The following ANK3 variants were observed in gnomAD, a reference collection of about 807,000 sequenced individuals.
The protein encoded by ANK3 is ankyrin 3, also known as ankyrin-3.
In ANK3, 57 loss-of-function variants were observed where a neutral mutation model predicts 370.9. The ratio of observed to expected loss-of-function variants is 0.15; its 90% CI spans 0.12 to 0.19. The LOEUF (loss-of-function observed/expected upper bound fraction) is 0.19, where lower values mean the gene tolerates loss of function less well. ANK3 is among the 10% of genes least tolerant of loss of function. The pLI is 1.00. For synonymous variants in ANK3, 1,929 were observed against 1,946.3 expected, an observed-to-expected ratio of 0.99 and a Z score of 0.23; for missense variants, 4,439 against 5,302.1, an observed-to-expected ratio of 0.84 and a Z score of 5.06.
intron 7 of ANK3, among the ~76,000 whole-genome samples, chr10:60,250,388 G>T (rs1389580383): frequency 2.6e-5 from 4 of 152,062 alleles, no homozygotes; most frequent in Non-Finnish European, 5.9e-5. Flanking sequence ...TTTTTGAGAT[G>T]GAGTCTCGCT....
chr10:60,612,411 T>C (rs894866962), intron 2 of ANK3, among the ~76,000 whole-genome samples: 16 of 152,208 alleles, frequency 1.1e-4, no homozygotes, highest in Admixed American at 2.6e-4. Flanking sequence ...AAGATACTTT[T>C]AAGTTGGGGA....
At chr10:60,520,939 GTT>G (rs5785451) in intron 2 of ANK3, among the ~76,000 whole-genome samples, 2 of 150,020 alleles carry the variant, frequency 1.3e-5, no homozygotes, top group East Asian at 2.0e-4. Flanking sequence ...TTTTGTCTTA[GTT>G]TTTTTTTTAA....
rs1555324742 is a variant in ANK3 at position 60,348,369 on chromosome 10, A to AACACACAC, written c.114+41055_114+41056insGTGTGTGT. Among the ~76,000 whole-genome samples the AACACACAC allele has an allele frequency of 3.6e-3, 456 of 127,882 alleles. 38 individuals carry two copies. The highest frequency in any genetic ancestry group is 5.5e-3 in the East Asian group (23 of 4,152). The allele number at this position is 127,882 out of a possible 152,430, so 83.9% of individuals were successfully genotyped here. ...AGCCAAAAAAAAAAAAAAAAAAAAAAACACAAAAAACAAAAAAAACGAACT... is the reference window on the plus strand; with the variant it reads ...AGCCAAAAAAAAAAAAAAAAAAAAAAACACACACACACAAAAAACAAAAAAAACGAACT... On this transcript the variant is annotated intron_variant, in intron 1 of 43. Transcript: ENST00000280772.
intron 1 of ANK3, among the ~76,000 whole-genome samples, chr10:60,729,702 T>C (rs1370572258): frequency 6.6e-6 from 1 of 152,210 alleles, no homozygotes; most frequent in Non-Finnish European, 1.5e-5. Context: ...GTTATTAATA[T>C]ACATCAAATA....
chr10:60,224,357 A>G (rs1258276217), intron 8 of ANK3, among the ~76,000 whole-genome samples: 1 of 152,168 alleles, frequency 6.6e-6, no homozygotes, highest in East Asian at 1.9e-4. Context: ...AGTGACAGTA[A>G]TCTTATTAGT....
At chr10:60,468,454 C>G (rs2065060490) in intron 2 of ANK3, among the ~76,000 whole-genome samples, 1 of 152,034 alleles carries the variant, frequency 6.6e-6, no homozygotes, top group Non-Finnish European at 1.5e-5. Context: ...TTAGGCTGTA[C>G]TCATATTTAA....
intron 1 of ANK3, among the ~76,000 whole-genome samples, chr10:60,649,388 T>C (rs1445008916): frequency 1.3e-5 from 2 of 152,224 alleles, no homozygotes; most frequent in African/African-American, 4.8e-5. Context: ...TCATTTAAGC[T>C]ATAAAAGCAC....
intron 7 of ANK3, among the ~76,000 whole-genome samples, chr10:60,240,153 T>TAC (rs1555185325): frequency 2.3e-5 from 3 of 132,228 alleles, no homozygotes; most frequent in Non-Finnish European, 4.6e-5. Context: ...CACATATATA[T>TAC]ACATATATAC....
At chr10:60,486,335 T>C (rs1232877420) in intron 2 of ANK3, among the ~76,000 whole-genome samples, 1 of 152,204 alleles carries the variant, frequency 6.6e-6, no homozygotes, top group African/African-American at 2.4e-5. Context: ...TCCCAGCACT[T>C]TGGGAGGCCG....
At position 60,571,306 on chromosome 10, in the gene ANK3, C is replaced by A. The variant is rs79803638; in HGVS notation, c.96+43880G>T. Among the ~76,000 whole-genome samples, 1,302 of 152,336 alleles carry A rather than the reference C, an allele frequency of 8.5e-3. 21 individuals are homozygous for A. The highest frequency in any genetic ancestry group is 0.03 in the African/African-American group (1,243 of 41,582). ...TACATAGACATGACCTCAGAACAGT[C>A]TGCTGGTAGTAGGTCCCTTAAGAAC... On this transcript the variant is annotated intron_variant, in intron 2 of 43. Transcript: ENST00000373827.
intron 2 of ANK3, among the ~76,000 whole-genome samples, chr10:60,522,913 GA>G (rs2076381381): frequency 1.3e-5 from 2 of 152,148 alleles, no homozygotes; most frequent in South Asian, 2.1e-4. Context: ...TGAATTAGAA[GA>G]CACAAAACCT....
chr10:60,079,472 C>A (rs1017254737), intron 36 of ANK3, among the ~76,000 whole-genome samples: 1 of 152,084 alleles, frequency 6.6e-6, no homozygotes, highest in African/African-American at 2.4e-5. Flanking sequence ...TAGTGTCCTG[C>A]CGCAGATCTT....
At chr10:60,513,747 T>G (rs1348334947) in intron 2 of ANK3, among the ~76,000 whole-genome samples, 1 of 152,148 alleles carries the variant, frequency 6.6e-6, no homozygotes, top group Non-Finnish European at 1.5e-5. Flanking sequence ...AGGGGAAACA[T>G]GTTTAACAGA....
chr10:60,652,038 T>G (rs1362071015), intron 1 of ANK3, among the ~76,000 whole-genome samples: 1 of 152,200 alleles, frequency 6.6e-6, no homozygotes, highest in Non-Finnish European at 1.5e-5. Context: ...CTGGAAGAAC[T>G]GGTATCATCT....
At chr10:60,504,961 A>C (rs1008848084) in intron 2 of ANK3, among the ~76,000 whole-genome samples, 1 of 152,162 alleles carries the variant, frequency 6.6e-6, no homozygotes, top group Non-Finnish European at 1.5e-5. Context: ...GAGCATATGA[A>C]GGGATCATTA....
At chr10:60,287,006 G>A (rs2040167725) in intron 1 of ANK3, among the ~76,000 whole-genome samples, 2 of 152,130 alleles carry the variant, frequency 1.3e-5, no homozygotes, top group South Asian at 4.1e-4. Flanking sequence ...GACAAATGGG[G>A]AGAGGAATAT....
intron 40 of ANK3, chr10:60,059,825 A>T (rs369435203): frequency 2.1e-5 from 34 of 1,614,132 alleles, no homozygotes; most frequent in Non-Finnish European, 2.1e-5. Context: ...CTGGAGGTCC[A>T]TCTGCGGAAT....
At chr10:60,407,479 G>A (rs113479756) in intron 2 of ANK3, among the ~76,000 whole-genome samples, 2,075 of 152,230 alleles carry the variant, frequency 0.014, 38 homozygotes, top group African/African-American at 0.048. Context: ...CAAGGGAAGA[G>A]ATATCTTCCA....
chr10:60,144,139 C>T (rs1364850671), intron 23 of ANK3: 4 of 402,260 alleles, frequency 9.9e-6, no homozygotes, highest in Admixed American at 3.0e-5. Context: ...CTCAGCTGAG[C>T]CCCGATTAAC....
Sources: gnomAD v4.1 joint callset for allele counts (sites outside exome capture counted in the v4.1 genomes callset) on GRCh38, gnomAD v4.1.1 for gene constraint, MANE v1.5 for transcripts, NCBI Gene and HGNC (gene_info 2026-07-23, HGNC 2026-07-21) for gene names.